Variants in ABCD2 observed in about 807,000 individuals in gnomAD.
The protein encoded by ABCD2 is ATP-binding cassette sub-family D member 2.
ABCD2 carries 36 observed loss-of-function variants against 70.9 expected under a neutral mutation model. The observed-to-expected ratio is 0.51, with a 90% CI of 0.39 to 0.67. The LOEUF is 0.67. Ranked by LOEUF, ABCD2 falls within the 30% of genes least tolerant of loss-of-function variation. ABCD2 has a pLI of 0.00. For synonymous variants in ABCD2, 304 were observed against 306.9 expected, an observed-to-expected ratio of 0.99 and a Z score of 0.10; for missense variants, 729 against 890.2, an observed-to-expected ratio of 0.82 and a Z score of 2.30.
At chr12:39,575,781 A>G (rs1941508263) in intron 8 of ABCD2, among the ~76,000 whole-genome samples, 1 of 152,204 alleles carries the variant, frequency 6.6e-6, no homozygotes, top group South Asian at 2.1e-4. Context: ...CTTTTCAACT[A>G]CTTGCTCTTC....
At chr12:39,566,574 A>C (rs1445346436) in intron 9 of ABCD2, among the ~76,000 whole-genome samples, 1 of 152,170 alleles carries the variant, frequency 6.6e-6, no homozygotes, top group Non-Finnish European at 1.5e-5. Context: ...TCTTTTCAAA[A>C]AACCAGCTCC....
chr12:39,615,416 T>C (rs1433135451), intron 2 of ABCD2, among the ~76,000 whole-genome samples: 4 of 152,084 alleles, frequency 2.6e-5, no homozygotes, highest in Non-Finnish European at 5.9e-5. Context: ...TCACTCTCGC[T>C]AATACTCTTT....
intron 8 of ABCD2, 134 bp from the exon 9 acceptor site, chr12:39,573,975 G>A: frequency 1.3e-6 from 1 of 796,402 alleles, no homozygotes; most frequent in Non-Finnish European, 1.9e-6. Flanking sequence ...GGCAATAAAT[G>A]ATAAAGCAAA....
chr12:39,535,600 C>A, the ABCD2 span, among the ~76,000 whole-genome samples: 37 of 152,162 alleles, frequency 2.4e-4, no homozygotes, highest in African/African-American at 8.7e-4. Flanking sequence ...TCTCTAAATT[C>A]GAAATATCTT....
intron 9 of ABCD2, among the ~76,000 whole-genome samples, chr12:39,572,451 G>A (rs946484204): frequency 6.6e-6 from 1 of 152,112 alleles, no homozygotes; most frequent in African/African-American, 2.4e-5. Context: ...ATATTCATTG[G>A]CATGGATCCT....
intron 2 of ABCD2, among the ~76,000 whole-genome samples, chr12:39,614,258 A>T (rs1290273457): frequency 6.6e-6 from 1 of 152,222 alleles, no homozygotes; most frequent in Admixed American, 6.5e-5. Context: ...ATAAATATTA[A>T]CAATTGCTTC....
intron 9 of ABCD2, among the ~76,000 whole-genome samples, chr12:39,566,571 A>G (rs1055548373): frequency 6.6e-6 from 1 of 152,056 alleles, no homozygotes; most frequent in Non-Finnish European, 1.5e-5. Context: ...TGATCTTTTC[A>G]AAAAACCAGC....
At chr12:39,612,894 T>A (rs1210788626) in intron 2 of ABCD2, among the ~76,000 whole-genome samples, 1 of 152,202 alleles carries the variant, frequency 6.6e-6, no homozygotes, top group Admixed American at 6.5e-5. Flanking sequence ...CAGTTACTCC[T>A]GATATCCTGC....
Position 39,618,834 on chromosome 12 carries a change from C to T in ABCD2, c.782G>A (p.Gly261Glu), listed in dbSNP as rs1306975066. Residue 261 changes from glycine (G) to glutamate (E), a missense_variant, in exon 1 of 10, where the codon GGA becomes GAA. Gly to Glu is a moderately conservative substitution (Grantham distance 98). Transcript: ENST00000308666. ...ASPIGPTLLAGLVVYATAKVL... is the reference protein window; with the variant it reads ...ASPIGPTLLAELVVYATAKVL... ...TTTAGCAGTGGCATACACCACAAGT[C>T]CTGCTAGTAGGGTGGGCCCAATTGG... 1 of 1,614,106 alleles carries T rather than the reference C, an allele frequency of 6.2e-7. No individual in the cohort carries two copies. Among genetic ancestry groups the T allele is most frequent in the Admixed American group, 1.7e-5 (1 of 60,016 alleles).
chr12:39,536,601 G>A, the ABCD2 span, among the ~76,000 whole-genome samples: 2 of 152,140 alleles, frequency 1.3e-5, no homozygotes, highest in Non-Finnish European at 2.9e-5. Flanking sequence ...ATGGGGAGGA[G>A]AGTTTTTGTT....
In ABCD2 at chr12:39,552,351, T is replaced by C. The variant is rs1941099840; in HGVS notation, c.*1561A>G. On this transcript the variant is annotated 3_prime_UTR_variant, in exon 10 of 10. Transcript: ENST00000308666. ...AGACTTAACATCTATTATGGCTGTG[T>C]CTCAACAGGCAAATAAAATCCTAGG... The C allele has an allele frequency of 6.6e-6, 1 of 151,888 alleles. No individual in the cohort carries two copies. Among genetic ancestry groups the C allele is most frequent in the South Asian group, 2.1e-4 (1 of 4,836 alleles). 9.4% of individuals were successfully genotyped at this position (151,888 alleles called of 1,614,324 possible).
chr12:39,568,830 A>T (rs1001599470), intron 9 of ABCD2, among the ~76,000 whole-genome samples: 1 of 152,032 alleles, frequency 6.6e-6, no homozygotes, highest in African/African-American at 2.4e-5. Context: ...TCTGTTTGTT[A>T]GTTTTCCTGC....
chr12:39,583,176 G>A (rs1240173092), intron 7 of ABCD2, among the ~76,000 whole-genome samples: 1 of 152,096 alleles, frequency 6.6e-6, no homozygotes, highest in Non-Finnish European at 1.5e-5. Flanking sequence ...TAATTCTTGT[G>A]TACTCATATG....
chr12:39,576,268 C>T lies in ABCD2; in HGVS notation c.1878-2427G>A, dbSNP rs537233075. Among the ~76,000 whole-genome samples, 686 of 152,110 alleles carry T rather than the reference C, an allele frequency of 4.5e-3. 6 individuals are homozygous for T. The highest frequency in any genetic ancestry group is 0.016 in the African/African-American group (654 of 41,510). On this transcript the variant is annotated intron_variant, in intron 8 of 9. Transcript: ENST00000308666. ...TCCGCCTCCTGGGTTCAAGTGATTCCGCTGCCTCAGCCTCCCGAGTAGCTG... is the reference window on the plus strand; with the variant it reads ...TCCGCCTCCTGGGTTCAAGTGATTCTGCTGCCTCAGCCTCCCGAGTAGCTG...
At position 39,564,257 on chromosome 12, in the gene ABCD2, G is replaced by A. The variant is rs147852183; in HGVS notation, c.2003+9459C>T. On this transcript the variant is annotated intron_variant, in intron 9 of 9. Coordinates refer to ENST00000308666, the MANE Select transcript of ABCD2 (RefSeq NM_005164.4). ...ACAGTCCCACCAACAGTGTAAAAGT[G>A]TTCCTATTTCTCCACATCCTCTCCA... 1.3e-3 allele frequency among the ~76,000 whole-genome samples: 204 copies of A among 152,246 alleles called. 3 individuals are homozygous for A. In the East Asian group the frequency reaches 0.036, roughly 27 times the overall value.
At chr12:39,586,960 A>G (rs1233130007) in intron 6 of ABCD2, among the ~76,000 whole-genome samples, 1 of 152,232 alleles carries the variant, frequency 6.6e-6, no homozygotes, top group East Asian at 1.9e-4. Context: ...CCTATGGGTA[A>G]GGGAATGTTC....
At chr12:39,587,425 C>G (rs1941681063) in intron 6 of ABCD2, among the ~76,000 whole-genome samples, 1 of 152,050 alleles carries the variant, frequency 6.6e-6, no homozygotes. Context: ...TGATGTCTAC[C>G]CACTAGATGT....
chr12:39,554,005 A>T lies in ABCD2; in HGVS notation c.2130T>A (p.Ile710=). The part of the protein sequence containing the change: ...KQKLESQLAG[I]PKMQQRLNEL... ...CATTGAGTCTCTGCTGCATTTTGGG[A>T]ATTCCAGCTAGCTGAGATTCTAGCT... is the stretch of plus-strand genomic sequence containing the variant. The change falls in exon 10 of 10, where the codon ATT becomes ATA. Residue 710 remains isoleucine (I), a synonymous_variant. Transcript: ENST00000308666. 1 of 1,613,474 alleles carries T rather than the reference A, an allele frequency of 6.2e-7. No individual in the cohort carries two copies. Among genetic ancestry groups the T allele is most frequent in the African/African-American group, 1.3e-5 (1 of 75,016 alleles).
chr12:39,557,537 G>T (rs12302657), intron 9 of ABCD2, among the ~76,000 whole-genome samples: 1 of 152,152 alleles, frequency 6.6e-6, no homozygotes, highest in South Asian at 2.1e-4. Flanking sequence ...TAAGTAATGA[G>T]GAACCAAATG....
Sources: allele counts gnomAD v4.1 joint callset (sites outside exome capture counted in the v4.1 genomes callset), GRCh38; gene constraint gnomAD v4.1.1; transcripts MANE v1.5; gene names NCBI Gene and HGNC (gene_info 2026-07-23, HGNC 2026-07-21).